Variants in EFL1 observed in about 807,000 individuals in gnomAD.
The protein encoded by EFL1 is elongation factor-like GTPase 1.
A neutral mutation model predicts 126.7 loss-of-function variants in EFL1; 76 were observed. The ratio of observed to expected loss-of-function variants is 0.60; its 90% CI spans 0.50 to 0.73. The LOEUF is 0.73. Ranked by LOEUF, EFL1 falls within the 30% of genes least tolerant of loss-of-function variation. The probability of loss-of-function intolerance (pLI) is 0.00; values close to 1 mark genes in which losing one functional copy is unlikely to be tolerated. For missense variants in EFL1, 1,128 were observed against 1,343.2 expected (o/e 0.84, Z 2.50); for synonymous variants, 410 against 448.4 (o/e 0.91, Z 1.08).
At chr15:82,174,546 C>T (rs543484788) in intron 15 of EFL1, among the ~76,000 whole-genome samples, 197 of 152,140 alleles carry the variant, frequency 1.3e-3, no homozygotes, top group African/African-American at 4.4e-3. Context: ...CAATTTAGAC[C>T]CTAGAAACTG....
chr15:82,231,082 T>C (rs2074817852), intron 7 of EFL1, 111 bp from the exon 8 acceptor site: 3 of 1,304,620 alleles, frequency 2.3e-6, no homozygotes, highest in Non-Finnish European at 3.1e-6. Context: ...TCCAGTATCC[T>C]ACAAAATTTC....
chr15:82,136,661 C>T (rs2073725527), intron 19 of EFL1, among the ~76,000 whole-genome samples: 1 of 152,098 alleles, frequency 6.6e-6, no homozygotes. Flanking sequence ...CCTTTTAAAA[C>T]CCATCCCTTA....
At position 82,238,353 on chromosome 15, in the gene EFL1, G is replaced by C. The variant is rs1295355880; in HGVS notation, c.685C>G (p.Gln229Glu). Residue 229 changes from glutamine to glutamate, a missense_variant, in exon 7 of 20, where the codon CAG becomes GAG. Coordinates refer to ENST00000268206, the MANE Select transcript of EFL1 (RefSeq NM_024580.6). The stretch of plus-strand genomic sequence containing the variant: ...GCACTGGTAAACACCACATTTCCCT[G>C]TTCTGGAGAGAAGTAAAGGTGAGAA... ...DDSHLYFSPE[Q>E]GNVVFTSAID... 6.2e-7 allele frequency: 1 copy of C among 1,614,072 alleles called. No individual in the cohort carries two copies. Among genetic ancestry groups the C allele is most frequent in the Non-Finnish European group, 8.5e-7 (1 of 1,180,034 alleles).
At chr15:82,172,179 C>A (rs1160931204) in intron 15 of EFL1, among the ~76,000 whole-genome samples, 1 of 152,086 alleles carries the variant, frequency 6.6e-6, no homozygotes, top group African/African-American at 2.4e-5. Flanking sequence ...GAAGAAACCA[C>A]GTGCTGGCAG....
At chr15:82,211,160 G>A (rs1275208340) in intron 15 of EFL1, among the ~76,000 whole-genome samples, 1 of 151,848 alleles carries the variant, frequency 6.6e-6, no homozygotes, top group African/African-American at 2.4e-5. Flanking sequence ...GCCAAAAGCT[G>A]GAATCCCAGC....
intron 4 of EFL1, among the ~76,000 whole-genome samples, chr15:82,251,422 G>C (rs1190754582): frequency 6.6e-6 from 1 of 152,148 alleles, no homozygotes; most frequent in Non-Finnish European, 1.5e-5. Context: ...GTGGTTAAAG[G>C]ACTCAAGGGA....
chr15:82,177,589 T>G lies in EFL1; in HGVS notation c.1751-13605A>C, dbSNP rs535480612. Among the ~76,000 whole-genome samples the G allele has an allele frequency of 3.6e-4, 55 of 152,324 alleles. 1 individual carries two copies. Among genetic ancestry groups the G allele is most frequent in the African/African-American group, 1.2e-3 (51 of 41,564 alleles). On this transcript the variant is annotated intron_variant, in intron 15 of 19. Transcript: ENST00000268206. ...TGTGGTTCACATGAAGTTTTTGGTCTTTTAAATACCCATTGGAAGACGCTC... is the reference window on the plus strand; with the variant it reads ...TGTGGTTCACATGAAGTTTTTGGTCGTTTAAATACCCATTGGAAGACGCTC...
intron 7 of EFL1, chr15:82,233,652 C>T (rs2074844822): frequency 6.6e-6 from 1 of 152,168 alleles, no homozygotes. Flanking sequence ...AACTTAGATT[C>T]TTGATGCTAC....
At chr15:82,211,619 C>CACACA (rs1595985795) in intron 15 of EFL1, among the ~76,000 whole-genome samples, 1 of 145,014 alleles carries the variant, frequency 6.9e-6, no homozygotes, top group African/African-American at 2.5e-5. Flanking sequence ...CACACACACA[C>CACACA]TAGACTCTCT....
chr15:82,135,646 C>T (rs2073712753), intron 19 of EFL1, among the ~76,000 whole-genome samples: 1 of 152,130 alleles, frequency 6.6e-6, no homozygotes, highest in South Asian at 2.1e-4. Flanking sequence ...TTTATCAAAA[C>T]AGACAATAGG....
At chr15:82,172,485 T>C (rs990685293) in intron 15 of EFL1, among the ~76,000 whole-genome samples, 2 of 152,226 alleles carry the variant, frequency 1.3e-5, no homozygotes, top group African/African-American at 2.4e-5. Flanking sequence ...GTGCTTTGCA[T>C]GTGTGAAAAT....
chr15:82,130,576 T>G lies in EFL1; in HGVS notation c.3175-15A>C. On this transcript the variant is annotated splice_polypyrimidine_tract_variant and intron_variant, in intron 19 of 19. Transcript: ENST00000268206. ...CTGGGAATGATCTTGTAAAAGAAGA[T>G]GACAGAATGTGCAAGGTTAGGCATT... 6.2e-7 allele frequency: 1 copy of G among 1,612,730 alleles called. No individual in the cohort carries two copies.
intron 6 of EFL1, among the ~76,000 whole-genome samples, chr15:82,239,813 C>T (rs1219941462): frequency 2.6e-5 from 4 of 152,180 alleles, no homozygotes; most frequent in Admixed American, 2.6e-4. Context: ...TTACTTCCAT[C>T]TCAAGGCTTC....
At position 82,151,797 on chromosome 15, in the gene EFL1, G is replaced by A. The variant is rs374347422; in HGVS notation, c.2657C>T (p.Pro886Leu). The A allele has an allele frequency of 1.2e-6, 2 of 1,614,124 alleles. No homozygotes were observed. The highest frequency in any genetic ancestry group is 1.7e-5 in the Admixed American group (1 of 60,016). ...ATLSGPMCEE[P>L]LMGVCFVLEK... ...CAGAACAAAACAGACACCCATGAGA[G>A]GCTCCTCACACATGGGGCCAGAGAG... The change falls in exon 18 of 20, where the codon CCT becomes CTT. Residue 886 changes from proline to leucine, a missense_variant. Coordinates refer to ENST00000268206, the MANE Select transcript of EFL1 (RefSeq NM_024580.6).
At chr15:82,135,174 T>C (rs902711491) in intron 19 of EFL1, among the ~76,000 whole-genome samples, 1 of 152,204 alleles carries the variant, frequency 6.6e-6, no homozygotes, top group Non-Finnish European at 1.5e-5. Flanking sequence ...GGGCAAAACT[T>C]TTCTTGAGAA....
chr15:82,247,885 GTGT>G (rs2074987840), intron 4 of EFL1, among the ~76,000 whole-genome samples: 1 of 152,098 alleles, frequency 6.6e-6, no homozygotes, highest in Non-Finnish European at 1.5e-5. Flanking sequence ...GACGTAGGTA[GTGT>G]TGGCCACAAG....
At chr15:82,254,319 C>G (rs2075048666) in intron 3 of EFL1, among the ~76,000 whole-genome samples, 1 of 152,216 alleles carries the variant, frequency 6.6e-6, no homozygotes, top group Non-Finnish European at 1.5e-5. Flanking sequence ...TCTCCAACCT[C>G]TCAGTCAGTC....
At chr15:82,167,195 C>T (rs940466633) in intron 15 of EFL1, among the ~76,000 whole-genome samples, 3 of 152,026 alleles carry the variant, frequency 2.0e-5, no homozygotes, top group Non-Finnish European at 4.4e-5. Context: ...TTACTAGATG[C>T]CAAGAATTCT....
At chr15:82,182,407 C>T (rs1024390774) in intron 15 of EFL1, among the ~76,000 whole-genome samples, 4 of 152,178 alleles carry the variant, frequency 2.6e-5, no homozygotes, top group Admixed American at 1.3e-4. Flanking sequence ...CTTAGGTTTT[C>T]CTTCATGAAG....
Sources: allele counts gnomAD v4.1 joint callset (sites outside exome capture counted in the v4.1 genomes callset), GRCh38; gene constraint gnomAD v4.1.1; transcripts MANE v1.5; gene names NCBI Gene and HGNC (gene_info 2026-07-23, HGNC 2026-07-21).